Variants in CRISPLD2 observed in about 807,000 individuals in gnomAD.
CRISPLD2 encodes cysteine-rich secretory protein LCCL domain-containing 2.
In CRISPLD2, 47 loss-of-function variants were observed where a neutral mutation model predicts 71.1. The observed-to-expected ratio is 0.66, with a 90% CI of 0.52 to 0.84. The LOEUF (loss-of-function observed/expected upper bound fraction) is 0.84. Ranked by LOEUF, CRISPLD2 falls within the 40% of genes least tolerant of loss-of-function variation. The pLI, the probability that CRISPLD2 is intolerant of heterozygous loss-of-function variation, is 0.00. For missense variants in CRISPLD2, 830 were observed against 651.1 expected, an observed-to-expected ratio of 1.27 and a Z score of -2.99; for synonymous variants, 317 against 250.1, an observed-to-expected ratio of 1.27 and a Z score of -2.52.
Position 84,856,219 on chromosome 16 carries a change from C to A in CRISPLD2, c.709+1390C>A, listed in dbSNP as rs182432949. The stretch of plus-strand genomic sequence containing the variant: ...TTAGGCTGTTGTAGTTTCCCATTGA[C>A]CTTAATCACAGGGCATGGTAATACT... On this transcript the variant is annotated intron_variant, in intron 6 of 14. Coordinates refer to ENST00000262424, the MANE Select transcript of CRISPLD2 (RefSeq NM_031476.4). Among the ~76,000 whole-genome samples, 247 of 152,296 alleles carry A rather than the reference C, an allele frequency of 1.6e-3. 1 individual carries two copies. Among genetic ancestry groups the A allele is most frequent in the Non-Finnish European group, 2.8e-3 (189 of 68,030 alleles).
rs756276531 is a variant in CRISPLD2 at position 84,838,915 on chromosome 16, G to A, written c.240+180G>A. The A allele has an allele frequency of 2.9e-5, 24 of 838,766 alleles. 1 individual carries two copies. Among genetic ancestry groups the A allele is most frequent in the Middle Eastern group, 3.2e-4 (1 of 3,158 alleles). The allele number at this position is 838,766 out of a possible 1,614,324, so 52.0% of individuals were successfully genotyped here. A position where few individuals can be genotyped will look rare whatever the true frequency, so the allele number is the denominator to read the frequency against. The stretch of plus-strand genomic sequence containing the variant: ...TTTTGTTTGTTTGTTTTGAGACAGG[G>A]TCTCACTCTGCCACTGACGCTGGAG... On this transcript the variant is annotated intron_variant, in intron 2 of 14. Transcript: ENST00000262424.
intron 6 of CRISPLD2, among the ~76,000 whole-genome samples, chr16:84,863,719 C>T (rs1285583667): frequency 6.6e-6 from 1 of 152,040 alleles, no homozygotes; most frequent in Non-Finnish European, 1.5e-5. Context: ...CCTGTAATCC[C>T]AACACTTTGG....
At chr16:84,827,933 C>A (rs969429474) in intron 1 of CRISPLD2, among the ~76,000 whole-genome samples, 2 of 152,278 alleles carry the variant, frequency 1.3e-5, no homozygotes, top group South Asian at 2.1e-4. Context: ...TGGTTCTGCC[C>A]CCCTCCTCTG....
Position 84,908,043 on chromosome 16 carries a change from A to G in CRISPLD2, c.*1401A>G, listed in dbSNP as rs554763945. 6.6e-6 allele frequency: 1 copy of G among 152,352 alleles called. No homozygotes were observed. Among genetic ancestry groups the G allele is most frequent in the South Asian group, 2.1e-4 (1 of 4,830 alleles). 9.4% of individuals were successfully genotyped at this position (152,352 alleles called of 1,614,324 possible). A position where few individuals can be genotyped will look rare whatever the true frequency, so the allele number is the denominator to read the frequency against. ...GAATGCTAGTTTCAAATTTGATTCA[A>G]AATATTTCTTAGGTGAAAGAACTAG... On this transcript the variant is annotated 3_prime_UTR_variant, in exon 15 of 15. Coordinates refer to ENST00000262424, the MANE Select transcript of CRISPLD2 (RefSeq NM_031476.4).
chr16:84,859,378 A>T (rs1211114947), intron 6 of CRISPLD2, among the ~76,000 whole-genome samples: 1 of 152,234 alleles, frequency 6.6e-6, no homozygotes, highest in Admixed American at 6.5e-5. Flanking sequence ...GCTCAGAGCC[A>T]GTGTCCAGTA....
intron 6 of CRISPLD2, among the ~76,000 whole-genome samples, chr16:84,858,833 G>C (rs1307566189): frequency 6.6e-6 from 1 of 152,238 alleles, no homozygotes; most frequent in African/African-American, 2.4e-5. Context: ...CTGCATACCA[G>C]GTACCAGGAG....
chr16:84,909,032 T>G lies in CRISPLD2; in HGVS notation c.*2390T>G, dbSNP rs16974880. 0.25 allele frequency: 38,417 copies of G among 152,092 alleles called. 5,231 individuals are homozygous for G. The highest frequency in any genetic ancestry group is 0.34 in the South Asian group (1,638 of 4,820). The allele number at this position is 152,092 out of a possible 1,614,324, so 9.4% of individuals were successfully genotyped here. On this transcript the variant is annotated 3_prime_UTR_variant, in exon 15 of 15. Transcript: ENST00000262424. ...ATCATCCCCACAAACATTTTGAAAC[T>G]GGAATATTTGTCTTCAGAAAATGGA... is the stretch of plus-strand genomic sequence containing the variant.
rs1450115238 is a variant in CRISPLD2 at position 84,850,627 on chromosome 16, T to C, written c.552T>C (p.Thr184=). ...GCAVNTCRKM[T]VWGEVWENAV... ...CTGTGAACACCTGCCGGAAGATGAC[T>C]GTCTGGGGAGAAGTTTGGGAGAACG... Residue 184 remains threonine (T), a synonymous_variant, in exon 5 of 15, where the codon ACT becomes ACC. Transcript: ENST00000262424. The C allele has an allele frequency of 1.2e-6, 2 of 1,614,162 alleles. No homozygotes were observed. Among genetic ancestry groups the C allele is most frequent in the Admixed American group, 1.7e-5 (1 of 60,014 alleles).
At chr16:84,887,497 G>C (rs979277253) in intron 13 of CRISPLD2, among the ~76,000 whole-genome samples, 3 of 152,240 alleles carry the variant, frequency 2.0e-5, no homozygotes, top group African/African-American at 7.2e-5. Flanking sequence ...TGCTGCCGGG[G>C]ACTGATCAGG....
intron 7 of CRISPLD2, 125 bp downstream of exon 7, chr16:84,867,165 C>T (rs530671290): frequency 4.9e-5 from 47 of 953,036 alleles, no homozygotes; most frequent in East Asian, 2.1e-4. Context: ...AAACAGGGTG[C>T]GGCGAAGCTC....
At chr16:84,852,761 C>T (rs1917125793) in intron 5 of CRISPLD2, among the ~76,000 whole-genome samples, 2 of 152,004 alleles carry the variant, frequency 1.3e-5, no homozygotes, top group Non-Finnish European at 2.9e-5. Context: ...AGGTACTTCA[C>T]GGTGCTATTC....
intron 11 of CRISPLD2, among the ~76,000 whole-genome samples, chr16:84,876,134 G>A (rs2071516337): frequency 6.6e-6 from 1 of 152,182 alleles, no homozygotes. Flanking sequence ...TGCTACAACA[G>A]CAGAGTTGAT....
chr16:84,870,919 A>T (rs576447245), intron 8 of CRISPLD2, among the ~76,000 whole-genome samples: 1 of 151,934 alleles, frequency 6.6e-6, no homozygotes, highest in Non-Finnish European at 1.5e-5. Context: ...TTAGCTGGAC[A>T]TGGTGGCATA....
At chr16:84,867,814 C>T (rs1917582900) in intron 7 of CRISPLD2, among the ~76,000 whole-genome samples, 1 of 152,204 alleles carries the variant, frequency 6.6e-6, no homozygotes, top group African/African-American at 2.4e-5. Flanking sequence ...TCTTCCCCTG[C>T]TCACCTTTGG....
At chr16:84,840,917 G>C (rs1356818035) in intron 2 of CRISPLD2, among the ~76,000 whole-genome samples, 1 of 152,140 alleles carries the variant, frequency 6.6e-6, no homozygotes, top group African/African-American at 2.4e-5. Context: ...TAATCAACTG[G>C]TGAATTCTAT....
intron 1 of CRISPLD2, among the ~76,000 whole-genome samples, chr16:84,835,366 T>A (rs1399803048): frequency 6.6e-6 from 1 of 152,194 alleles, no homozygotes; most frequent in Non-Finnish European, 1.5e-5. Context: ...ATTACAGGTG[T>A]GGGCCACCAT....
Position 84,885,010 on chromosome 16 carries a change from T to C in CRISPLD2, c.1306-4220T>C, listed in dbSNP as rs541509923. Among the ~76,000 whole-genome samples, 9 of 152,324 alleles carry C rather than the reference T, an allele frequency of 5.9e-5. No homozygotes were observed. In the East Asian group the frequency reaches 1.7e-3, roughly 29 times the overall value. On this transcript the variant is annotated intron_variant, in intron 13 of 14. Transcript: ENST00000262424. ...CTGCAGCAGTTGGCAGTGCGAGCAA[T>C]GCTGAGAGAGACAGAAAGCCTGGAG...
chr16:84,901,004 GGTGTCAC>G (rs944536217), intron 14 of CRISPLD2, among the ~76,000 whole-genome samples: 10 of 139,408 alleles, frequency 7.2e-5, no homozygotes, highest in Non-Finnish European at 1.2e-4. Flanking sequence ...GAATCATGAT[GGTGTCAC>G]TGCACACACA....
chr16:84,852,590 G>GA (rs1330979994), intron 5 of CRISPLD2, among the ~76,000 whole-genome samples: 1 of 152,188 alleles, frequency 6.6e-6, no homozygotes, highest in Non-Finnish European at 1.5e-5. Flanking sequence ...GAGAGGGCTT[G>GA]AGCCCCTGGG....
Sources: gnomAD v4.1 joint callset for allele counts (sites outside exome capture counted in the v4.1 genomes callset) on GRCh38, gnomAD v4.1.1 for gene constraint, MANE v1.5 for transcripts, NCBI Gene and HGNC (gene_info 2026-07-23, HGNC 2026-07-21) for gene names.